DSCAM: variants seen among roughly 807,000 people sequenced by gnomAD.
DSCAM encodes cell adhesion molecule DSCAM.
In DSCAM, 47 loss-of-function variants were observed where a neutral mutation model predicts 217.7. The observed-to-expected ratio is 0.22, with a 90% confidence interval of 0.17 to 0.28. The LOEUF is 0.28. Among genes scored for constraint, DSCAM ranks in the 10% least tolerant of loss-of-function variants. The pLI is 1.00. For synonymous variants in DSCAM, 1,056 were observed against 1,015.3 expected (o/e 1.04, Z -0.76); for missense variants, 2,080 against 2,618.3 (o/e 0.79, Z 4.49).
intron 1 of DSCAM, among the ~76,000 whole-genome samples, chr21:40,751,087 C>G (rs976918049): frequency 6.6e-6 from 1 of 152,210 alleles, no homozygotes; most frequent in Non-Finnish European, 1.5e-5. Context: ...TAACCCTGCT[C>G]TTGTCACACA....
chr21:40,122,765 G>A lies in DSCAM; in HGVS notation c.3696+1430C>T, dbSNP rs540489394. ...TCAAGGGCAGAGTACTGCCATGAAT[G>A]CATAAGCAGTAGAGAACACACCTTG... is the stretch of plus-strand genomic sequence containing the variant. On this transcript the variant is annotated intron_variant, in intron 20 of 32. Coordinates refer to ENST00000400454, the MANE Select transcript of DSCAM (RefSeq NM_001389.5). Among the ~76,000 whole-genome samples the A allele has an allele frequency of 7.9e-5, 12 of 152,280 alleles. No homozygotes were observed. In the South Asian group the frequency reaches 8.3e-4, roughly 11 times the overall value.
At chr21:40,722,365 A>G (rs2090910840) in intron 1 of DSCAM, among the ~76,000 whole-genome samples, 1 of 152,158 alleles carries the variant, frequency 6.6e-6, no homozygotes, top group Non-Finnish European at 1.5e-5. Flanking sequence ...AAAATGAATA[A>G]CAATATTAAC....
intron 3 of DSCAM, among the ~76,000 whole-genome samples, chr21:40,581,421 T>C (rs898477774): frequency 2.6e-5 from 4 of 152,106 alleles, no homozygotes; most frequent in South Asian, 2.1e-4. Flanking sequence ...GGCGAAGAAA[T>C]AGGGGCTCAG....
intron 11 of DSCAM, among the ~76,000 whole-genome samples, chr21:40,198,155 T>C (rs565699648): frequency 6.6e-6 from 1 of 152,330 alleles, no homozygotes; most frequent in East Asian, 1.9e-4. Context: ...CAGACGAGAC[T>C]GGCTACACAA....
intron 18 of DSCAM, among the ~76,000 whole-genome samples, chr21:40,137,111 C>T (rs897482839): frequency 6.9e-6 from 1 of 144,086 alleles, no homozygotes; most frequent in Non-Finnish European, 1.5e-5. Flanking sequence ...GGAGGTGGAG[C>T]TTGCAGTGAG....
At chr21:40,608,852 G>T (rs915108388) in intron 3 of DSCAM, among the ~76,000 whole-genome samples, 1 of 152,156 alleles carries the variant, frequency 6.6e-6, no homozygotes, top group African/African-American at 2.4e-5. Flanking sequence ...TAAATTTAAG[G>T]TTATTAATTC....
At chr21:40,304,337 G>A (rs1056035002) in intron 9 of DSCAM, among the ~76,000 whole-genome samples, 1 of 152,220 alleles carries the variant, frequency 6.6e-6, no homozygotes, top group African/African-American at 2.4e-5. Flanking sequence ...AAGAGAGTTA[G>A]GGCCTTGCCC....
At chr21:40,598,230 T>G (rs2077036107) in intron 3 of DSCAM, among the ~76,000 whole-genome samples, 1 of 152,202 alleles carries the variant, frequency 6.6e-6, no homozygotes, top group African/African-American at 2.4e-5. Context: ...TTGCTTTCCT[T>G]GTGTGGCTGT....
intron 20 of DSCAM, among the ~76,000 whole-genome samples, chr21:40,095,765 C>T (rs775052677): frequency 6.6e-6 from 1 of 151,918 alleles, no homozygotes; most frequent in Non-Finnish European, 1.5e-5. Context: ...CAAAATTCAC[C>T]CATAATTGGC....
chr21:40,178,798 T>C, intron 15 of DSCAM, 129 bp downstream of exon 15: 2 of 1,108,968 alleles, frequency 1.8e-6, no homozygotes, highest in Admixed American at 2.2e-5. Context: ...GGCACAGAAC[T>C]ACGGAGAGCA....
intron 1 of DSCAM, among the ~76,000 whole-genome samples, chr21:40,832,019 G>A (rs1001987346): frequency 6.6e-6 from 1 of 152,208 alleles, no homozygotes; most frequent in Non-Finnish European, 1.5e-5. Flanking sequence ...GGCTCAAAGT[G>A]CTATTCTCAA....
chr21:40,201,727 C>CA (rs2091071572), intron 11 of DSCAM, among the ~76,000 whole-genome samples: 1 of 151,986 alleles, frequency 6.6e-6, no homozygotes, highest in Non-Finnish European at 1.5e-5. Flanking sequence ...AAGCATGAGC[C>CA]ATTGTACTCA....
At position 40,112,955 on chromosome 21, in the gene DSCAM, A is replaced by G. The variant is rs529790734; in HGVS notation, c.3696+11240T>C. 3.2e-3 allele frequency among the ~76,000 whole-genome samples: 493 copies of G among 152,334 alleles called. 1 individual carries two copies. Among genetic ancestry groups the G allele is most frequent in the African/African-American group, 0.011 (462 of 41,574 alleles). ...TACCAACCAAAAAAAGTCCAGGACC[A>G]GATGGATTCACAGCCAAATTCTACC... On this transcript the variant is annotated intron_variant, in intron 20 of 32. Transcript: ENST00000400454.
intron 3 of DSCAM, among the ~76,000 whole-genome samples, chr21:40,471,489 G>C (rs1158155677): frequency 6.6e-6 from 1 of 152,150 alleles, no homozygotes; most frequent in South Asian, 2.1e-4. Flanking sequence ...ACAGTACTAG[G>C]GTTACAGTCT....
At chr21:40,543,599 T>TG (rs997912431) in intron 3 of DSCAM, among the ~76,000 whole-genome samples, 8 of 151,198 alleles carry the variant, frequency 5.3e-5, no homozygotes, top group African/African-American at 1.2e-4. Context: ...AGGAAAGGAA[T>TG]GGGGGGGCAG....
chr21:40,216,672 T>C (rs951508207), intron 11 of DSCAM, among the ~76,000 whole-genome samples: 2 of 152,202 alleles, frequency 1.3e-5, no homozygotes, highest in African/African-American at 4.8e-5. Context: ...AAATTGTTCA[T>C]CATAGAGCAG....
At chr21:40,774,741 C>G (rs1601243808) in intron 1 of DSCAM, among the ~76,000 whole-genome samples, 1 of 151,922 alleles carries the variant, frequency 6.6e-6, no homozygotes, top group African/African-American at 2.4e-5. Flanking sequence ...AGTTCTATCA[C>G]TTACTTCATC....
At chr21:40,786,122 G>T (rs964353397) in intron 1 of DSCAM, among the ~76,000 whole-genome samples, 1 of 152,136 alleles carries the variant, frequency 6.6e-6, no homozygotes, top group African/African-American at 2.4e-5. Context: ...TGTAATCCCA[G>T]CTACTTGGGA....
intron 3 of DSCAM, among the ~76,000 whole-genome samples, chr21:40,633,410 T>C (rs374572292): frequency 4.7e-4 from 72 of 152,352 alleles, no homozygotes; most frequent in African/African-American, 1.7e-3. Flanking sequence ...TAAAACAAGA[T>C]GGCTATACTC....
Sources: allele counts gnomAD v4.1 joint callset (sites outside exome capture counted in the v4.1 genomes callset), GRCh38; gene constraint gnomAD v4.1.1; transcripts MANE v1.5; gene names NCBI Gene and HGNC (gene_info 2026-07-23, HGNC 2026-07-21).